Variants in NSUN2 observed in about 807,000 individuals in gnomAD.
NSUN2 encodes the protein RNA cytosine C(5)-methyltransferase NSUN2.
NSUN2 carries 63 observed loss-of-function variants against 92.7 expected under a neutral mutation model. That is an observed-to-expected ratio of 0.68 (90% CI 0.56 to 0.84). The LOEUF (loss-of-function observed/expected upper bound fraction) is 0.84, where lower values mean the gene tolerates loss of function less well. Ranked by LOEUF, NSUN2 falls within the 40% of genes least tolerant of loss-of-function variation. The pLI is 0.00. For missense variants in NSUN2, 989 were observed against 964.9 expected (o/e 1.02, Z -0.33); for synonymous variants, 356 against 348.3 (o/e 1.02, Z -0.25).
chr5:6,625,225 T>G (rs1041278592), intron 4 of NSUN2, among the ~76,000 whole-genome samples: 4 of 152,202 alleles, frequency 2.6e-5, no homozygotes, highest in Non-Finnish European at 5.9e-5. Flanking sequence ...CATACTACTT[T>G]TTATGTACAA....
intron 18 of NSUN2, among the ~76,000 whole-genome samples, chr5:6,600,951 C>T (rs528123093): frequency 9.9e-5 from 15 of 152,150 alleles, no homozygotes; most frequent in South Asian, 4.1e-4. Context: ...GAGGCATCGA[C>T]GCCCCAGCAG....
chr5:6,628,339 G>C lies in NSUN2; in HGVS notation c.360-2670C>G, dbSNP rs562499174. ...CTCCAACCTGGGCAACAGAGACCTT[G>C]TCTCAAAAAAAAATATAAGTAAACA... On this transcript the variant is annotated intron_variant, in intron 3 of 18. Transcript: ENST00000264670. Among the ~76,000 whole-genome samples, 6 of 152,050 alleles carry C rather than the reference G, an allele frequency of 3.9e-5. No individual in the cohort carries two copies. The South Asian group carries it at 1.0e-3, about 26-fold the overall frequency.
chr5:6,627,967 C>A (rs1449863245), intron 3 of NSUN2, among the ~76,000 whole-genome samples: 1 of 152,194 alleles, frequency 6.6e-6, no homozygotes, highest in Non-Finnish European at 1.5e-5. Context: ...CCACTGTCAT[C>A]TTTGCATATT....
At chr5:6,614,029 G>C (rs981118517) in intron 9 of NSUN2, among the ~76,000 whole-genome samples, 1 of 146,746 alleles carries the variant, frequency 6.8e-6, no homozygotes, top group African/African-American at 2.5e-5. Context: ...CCGGGAGATG[G>C]AGGTTGCAGT....
At chr5:6,605,176 G>T in intron 15 of NSUN2, 97 bp downstream of exon 15, 1 of 1,503,092 alleles carries the variant, frequency 6.7e-7, no homozygotes, top group Non-Finnish European at 9.0e-7. Context: ...GGTGGGGAGG[G>T]CAGATGTCAC....
intron 15 of NSUN2, 111 bp downstream of exon 15, chr5:6,605,162 T>C: frequency 2.1e-6 from 3 of 1,443,416 alleles, no homozygotes; most frequent in East Asian, 2.3e-5. Flanking sequence ...CAGCCAGCGC[T>C]ACAGGTGGGG....
chr5:6,621,804 A>G (rs1737458367), intron 6 of NSUN2: 2 of 488,176 alleles, frequency 4.1e-6, no homozygotes, highest in Non-Finnish European at 7.3e-6. Flanking sequence ...TAATTCTAAA[A>G]TAAAGCTCCC....
intron 9 of NSUN2, among the ~76,000 whole-genome samples, chr5:6,614,124 C>T (rs1346803668): frequency 2.7e-5 from 2 of 73,202 alleles, no homozygotes; most frequent in Non-Finnish European, 5.7e-5. Flanking sequence ...AAAAAAAAAC[C>T]CACAACACAC....
Position 6,607,219 on chromosome 5 carries a change from T to C in NSUN2, c.1489A>G (p.Lys497Glu), listed in dbSNP as rs1278135684. 1.2e-6 allele frequency: 2 copies of C among 1,614,232 alleles called. No individual in the cohort carries two copies. Among genetic ancestry groups the C allele is most frequent in the African/African-American group, 1.3e-5 (1 of 75,064 alleles). Reference protein sequence around the residue: ...ATEDLENNGSKKDGVCGPPPS... With the variant: ...ATEDLENNGSEKDGVCGPPPS... Reference sequence around the variant, plus strand: ...TCTTACCCACACACGCCATCTTTCTTACTGCCATTATTCTCTAAATCCTCA... The same window carrying C: ...TCTTACCCACACACGCCATCTTTCTCACTGCCATTATTCTCTAAATCCTCA... Residue 497 changes from lysine (K) to glutamate (E), a missense_variant, in exon 13 of 19, where the codon AAG (lysine) becomes GAG (glutamate). Around this residue, in one of 3 missense-constraint regions of NSUN2, gnomAD observed 626 missense variants for 602.3 expected, o/e 1.04. Transcript: ENST00000264670.
At position 6,604,295 on chromosome 5, in the gene NSUN2, T is replaced by A. The variant is rs1052275357; in HGVS notation, c.1819-19A>T. The A allele has an allele frequency of 1.3e-6, 2 of 1,580,062 alleles. No individual in the cohort carries two copies. Among genetic ancestry groups the A allele is most frequent in the East Asian group, 2.2e-5 (1 of 44,718 alleles). On this transcript the variant is annotated intron_variant, in intron 16 of 18. Coordinates refer to ENST00000264670, the MANE Select transcript of NSUN2 (RefSeq NM_017755.6). ...ATATTCCCTGTGTGAATAAAGAGAATGAGAGAACAGATACCATGATGTCAT... is the reference window on the plus strand; with the variant it reads ...ATATTCCCTGTGTGAATAAAGAGAAAGAGAGAACAGATACCATGATGTCAT...
intron 14 of NSUN2, among the ~76,000 whole-genome samples, chr5:6,606,565 G>A (rs1251275784): frequency 2.0e-5 from 3 of 152,036 alleles, no homozygotes; most frequent in Admixed American, 1.3e-4. Flanking sequence ...GATTACAGCC[G>A]TGAGCCACCG....
intron 3 of NSUN2, among the ~76,000 whole-genome samples, chr5:6,629,297 T>C (rs1187828968): frequency 6.6e-6 from 1 of 152,194 alleles, no homozygotes; most frequent in Non-Finnish European, 1.5e-5. Context: ...AAAGCAGCTA[T>C]GAAATGTTAA....
At chr5:6,630,054 T>C (rs1176589761) in intron 3 of NSUN2, among the ~76,000 whole-genome samples, 1 of 152,194 alleles carries the variant, frequency 6.6e-6, no homozygotes, top group Non-Finnish European at 1.5e-5. Context: ...ACAATCAGTG[T>C]CGTCAATCAA....
At chr5:6,609,307 T>C in intron 12 of NSUN2, among the ~76,000 whole-genome samples, 1 of 152,206 alleles carries the variant, frequency 6.6e-6, no homozygotes, top group East Asian at 1.9e-4. Flanking sequence ...TTCACCACTG[T>C]TTCCTGGCCT....
chr5:6,599,982 T>C lies in NSUN2; in HGVS notation c.2248A>G (p.Asn750Asp). ...CAGCCTGCTGTCACGTCTGGACTGT[T>C]GGCCTCTTCTGCATCTGGGCTGTTG... ...EPNSPDAEEA[N>D]SPDVTAGCDP... The change falls in exon 19 of 19, where the codon AAC (asparagine) becomes GAC (aspartate). Residue 750 changes from asparagine to aspartate, a missense_variant. Physicochemically the swap from Asn to Asp is conservative, Grantham distance 23. Around this residue, in one of 3 missense-constraint regions of NSUN2, gnomAD observed 626 missense variants for 602.3 expected, o/e 1.04. Transcript: ENST00000264670. The C allele has an allele frequency of 6.2e-7, 1 of 1,614,230 alleles. No individual in the cohort carries two copies. Among genetic ancestry groups the C allele is most frequent in the Non-Finnish European group, 8.5e-7 (1 of 1,180,034 alleles).
At chr5:6,610,840 G>A in intron 11 of NSUN2, 115 bp downstream of exon 11, 1 of 1,272,632 alleles carries the variant, frequency 7.9e-7, no homozygotes, top group East Asian at 2.5e-5. Context: ...CATAACCCAA[G>A]CCTCACAGCA....
At position 6,625,102 on chromosome 5, in the gene NSUN2, G is replaced by GA. The variant is rs57398741; in HGVS notation, c.465+461dup. On this transcript the variant is annotated intron_variant, in intron 4 of 18. Transcript: ENST00000264670. Reference sequence around the variant, plus strand: ...GGTTACCAAGAGCAATGTGTGGTAAGAAAAAAAAAAAACACAGTAAAAAGT... The same window carrying GA: ...GGTTACCAAGAGCAATGTGTGGTAAGAAAAAAAAAAAAACACAGTAAAAAGT... Among the ~76,000 whole-genome samples, 603 of 131,908 alleles carry GA rather than the reference G, an allele frequency of 4.6e-3. 3 individuals carry two copies. Among genetic ancestry groups the GA allele is most frequent in the African/African-American group, 0.013 (462 of 36,128 alleles). 86.5% of individuals were successfully genotyped at this position (131,908 alleles called of 152,430 possible).
At chr5:6,619,181 T>G (rs1737334567) in intron 7 of NSUN2, among the ~76,000 whole-genome samples, 1 of 152,104 alleles carries the variant, frequency 6.6e-6, no homozygotes, top group Admixed American at 6.5e-5. Context: ...AAAAAAAACT[T>G]TAGTTCATGA....
At chr5:6,628,402 A>C (rs768294226) in intron 3 of NSUN2, among the ~76,000 whole-genome samples, 14 of 152,190 alleles carry the variant, frequency 9.2e-5, no homozygotes, top group Non-Finnish European at 1.3e-4. Context: ...CACTCTGAAC[A>C]ATTGGTTGTC....
Sources: allele counts gnomAD v4.1 joint callset (sites outside exome capture counted in the v4.1 genomes callset), GRCh38; gene constraint gnomAD v4.1.1; regional missense constraint gnomAD v4.1.1; transcripts MANE v1.5; gene names NCBI Gene and HGNC (gene_info 2026-07-23, HGNC 2026-07-21).